Variants in FAM151B observed in about 807,000 individuals in gnomAD.
The protein encoded by FAM151B is protein FAM151B.
FAM151B carries 24 observed loss-of-function variants against 31.2 expected under a neutral mutation model. That is an observed-to-expected ratio of 0.77 (90% CI 0.56 to 1.08). The LOEUF (loss-of-function observed/expected upper bound fraction) is 1.08. FAM151B is among the 50% of genes least tolerant of loss of function. The pLI is 0.00. For synonymous variants in FAM151B, 105 were observed against 111.4 expected (o/e 0.94, Z 0.36); for missense variants, 293 against 328.6 (o/e 0.89, Z 0.84).
rs16877860 is a variant in FAM151B, at chr5:80,514,900, T to C, written c.317+1131T>C. Among the ~76,000 whole-genome samples, 737 of 152,264 alleles carry C rather than the reference T, an allele frequency of 4.8e-3. 3 individuals carry two copies. Among genetic ancestry groups the C allele is most frequent in the African/African-American group, 0.015 (636 of 41,542 alleles). ...TATAAAATCTTGATATACAGGAGTT[T>C]GGATTGACAGGGTCTTGTGAATTAA... On this transcript the variant is annotated intron_variant, in intron 3 of 5. Coordinates refer to ENST00000282226, the MANE Select transcript of FAM151B (RefSeq NM_205548.3).
intron 5 of FAM151B, 115 bp downstream of exon 5, chr5:80,522,253 G>A (rs916428301): frequency 6.0e-6 from 7 of 1,173,038 alleles, no homozygotes; most frequent in African/African-American, 1.5e-5. Context: ...AGACAGAAAA[G>A]GAATGAAAAC....
rs564452431 is a variant in FAM151B, at chr5:80,497,943, T to A, written c.26-3849T>A. Reference sequence around the variant, plus strand: ...TGTACCCTAGAACTTAAATAAAAAATAAATAAATAAATAAAAAGTGCTGTG... The same window carrying A: ...TGTACCCTAGAACTTAAATAAAAAAAAAATAAATAAATAAAAAGTGCTGTG... On this transcript the variant is annotated intron_variant, in intron 1 of 5. Coordinates refer to ENST00000282226, the MANE Select transcript of FAM151B (RefSeq NM_205548.3). Among the ~76,000 whole-genome samples the A allele has an allele frequency of 7.1e-3, 1,081 of 152,090 alleles. 13 individuals are homozygous for A. The highest frequency in any genetic ancestry group is 0.024 in the African/African-American group (1,007 of 41,476).
chr5:80,526,453 C>A (rs1232318304), intron 5 of FAM151B, among the ~76,000 whole-genome samples: 69 of 126,990 alleles, frequency 5.4e-4, no homozygotes, highest in South Asian at 7.8e-4. Flanking sequence ...TACTAAAGTC[C>A]AAAAAAAAAA....
At chr5:80,532,588 A>G (rs1745292767) in intron 5 of FAM151B, among the ~76,000 whole-genome samples, 1 of 152,222 alleles carries the variant, frequency 6.6e-6, no homozygotes, top group Admixed American at 6.5e-5. Context: ...CATTGGACAG[A>G]TCTTCCAGAT....
chr5:80,538,448 C>CTCTCTCTCTCTCTCTT (rs1745661425), intron 5 of FAM151B, among the ~76,000 whole-genome samples: 1 of 49,348 alleles, frequency 2.0e-5, no homozygotes, highest in Non-Finnish European at 3.7e-5. Context: ...TTCTTTCTTT[C>CTCTCTCTCTCTCTCTT]TCTTTCTTTC....
Position 80,538,422 on chromosome 5 carries a change from T to TTC in FAM151B, c.672-3249_672-3248dup, listed in dbSNP as rs1342475580. On this transcript the variant is annotated intron_variant, in intron 5 of 5. Transcript: ENST00000282226. The stretch of plus-strand genomic sequence containing the variant: ...TTTCTTTCTTTCTTTCTTTCTTTCT[T>TTC]TCTTTCTTTCTTTCTTTCTTTCTTT... 1.2e-3 allele frequency among the ~76,000 whole-genome samples: 67 copies of TTC among 55,716 alleles called. 1 individual carries two copies. Among genetic ancestry groups the TTC allele is most frequent in the African/African-American group, 6.2e-3 (62 of 9,926 alleles). 36.6% of individuals were successfully genotyped at this position (55,716 alleles called of 152,430 possible). A position where few individuals can be genotyped will look rare whatever the true frequency, so the allele number is the denominator to read the frequency against.
chr5:80,533,660 G>C (rs406242), intron 5 of FAM151B, among the ~76,000 whole-genome samples: 1 of 138,494 alleles, frequency 7.2e-6, no homozygotes, highest in Non-Finnish European at 1.5e-5. Flanking sequence ...TGATGCAGGA[G>C]AATCAGTTGA....
At chr5:80,513,895 CT>C in intron 3 of FAM151B, 126 bp downstream of exon 3, 1 of 933,476 alleles carries the variant, frequency 1.1e-6, no homozygotes, top group Non-Finnish European at 1.5e-6. Flanking sequence ...AGGACTGAAC[CT>C]AAATGAACCT....
intron 2 of FAM151B, among the ~76,000 whole-genome samples, chr5:80,503,027 A>C (rs539126437): frequency 1.3e-5 from 2 of 152,096 alleles, no homozygotes; most frequent in Non-Finnish European, 2.9e-5. Flanking sequence ...GGATGATGAA[A>C]TTTTTCTAGA....
At chr5:80,536,371 T>A (rs1431278696) in intron 5 of FAM151B, among the ~76,000 whole-genome samples, 1 of 152,022 alleles carries the variant, frequency 6.6e-6, no homozygotes, top group East Asian at 1.9e-4. Context: ...AGACGGAGTT[T>A]CACCATCCTG....
At position 80,541,975 on chromosome 5, in the gene FAM151B, G is replaced by GT; in HGVS notation, c.*144dup. ...GAAACGTTTATTGTATGCTTACTCTGTGGGCATATGTCCTTATAATAGTGC... is the reference window on the plus strand; with the variant it reads ...GAAACGTTTATTGTATGCTTACTCTGTTGGGCATATGTCCTTATAATAGTGC... On this transcript the variant is annotated 3_prime_UTR_variant, in exon 6 of 6. Coordinates refer to ENST00000282226, the MANE Select transcript of FAM151B (RefSeq NM_205548.3). 1 of 827,468 alleles carries GT rather than the reference G, an allele frequency of 1.2e-6. No individual in the cohort carries two copies. The highest frequency in any genetic ancestry group is 2.7e-5 in the East Asian group (1 of 36,976). The allele number at this position is 827,468 out of a possible 1,614,324, so 51.3% of individuals were successfully genotyped here.
chr5:80,532,053 A>G (rs1322148765), intron 5 of FAM151B, among the ~76,000 whole-genome samples: 1 of 152,122 alleles, frequency 6.6e-6, no homozygotes, highest in African/African-American at 2.4e-5. Context: ...AATACTATGC[A>G]CCCATAAAAA....
chr5:80,538,446 T>TTCTTTC (rs1745658825), intron 5 of FAM151B, among the ~76,000 whole-genome samples: 5 of 48,484 alleles, frequency 1.0e-4, no homozygotes, highest in African/African-American at 1.9e-4. Flanking sequence ...CTTTCTTTCT[T>TTCTTTC]TCTCTTTCTT....
chr5:80,515,347 G>A (rs1368199183), intron 3 of FAM151B, among the ~76,000 whole-genome samples: 1 of 152,196 alleles, frequency 6.6e-6, no homozygotes, highest in Non-Finnish European at 1.5e-5. Context: ...GAGAGGTTAA[G>A]TGATGTACCT....
intron 1 of FAM151B, among the ~76,000 whole-genome samples, chr5:80,494,464 C>CTTTCTTTCTTTCTTTCTTTA (rs1743441928): frequency 4.4e-5 from 2 of 45,326 alleles, no homozygotes; most frequent in African/African-American, 1.7e-4. Flanking sequence ...TCTTTTCTTT[C>CTTTCTTTCTTTCTTTCTTTA]TTTCTTTCTT....
chr5:80,491,384 T>C (rs1743325390), intron 1 of FAM151B, among the ~76,000 whole-genome samples: 1 of 151,930 alleles, frequency 6.6e-6, no homozygotes, highest in Non-Finnish European at 1.5e-5. Flanking sequence ...CCTGGGTTAT[T>C]ATTATTGTTA....
chr5:80,533,415 C>G (rs1444471680), intron 5 of FAM151B, among the ~76,000 whole-genome samples: 1 of 149,810 alleles, frequency 6.7e-6, no homozygotes, highest in Non-Finnish European at 1.5e-5. Flanking sequence ...ACTAGAAAAG[C>G]AAGAGCAAAC....
intron 5 of FAM151B, among the ~76,000 whole-genome samples, chr5:80,532,512 T>G (rs1006308821): frequency 1.3e-5 from 2 of 152,162 alleles, no homozygotes; most frequent in Admixed American, 1.3e-4. Context: ...AAAGCAAATA[T>G]TATTAGAGCT....
rs577149879 is a variant in FAM151B, at chr5:80,527,371, C to T, written c.671+5233C>T. Reference sequence around the variant, plus strand: ...CTGGAAGGCAGAAGTTGTAGTGAGCCGAGGTCATGCCACTGCACTTCAGCC... The same window carrying T: ...CTGGAAGGCAGAAGTTGTAGTGAGCTGAGGTCATGCCACTGCACTTCAGCC... On this transcript the variant is annotated intron_variant, in intron 5 of 5. Transcript: ENST00000282226. 8.6e-5 allele frequency among the ~76,000 whole-genome samples: 13 copies of T among 151,860 alleles called. No homozygotes were observed. The South Asian group carries it at 1.9e-3, about 22-fold the overall frequency.
Sources: gnomAD v4.1 joint callset for allele counts (sites outside exome capture counted in the v4.1 genomes callset) on GRCh38, gnomAD v4.1.1 for gene constraint, MANE v1.5 for transcripts, NCBI Gene and HGNC (gene_info 2026-07-23, HGNC 2026-07-21) for gene names.